The following NPAS2 variants were observed in gnomAD, a reference collection of about 807,000 sequenced individuals.
NPAS2 encodes neuronal PAS domain-containing protein 2.
In NPAS2, 23 loss-of-function variants were observed where a neutral mutation model predicts 107.5. The observed-to-expected ratio is 0.21, with a 90% CI of 0.15 to 0.30. The LOEUF is 0.30. NPAS2 is among the 10% of genes least tolerant of loss of function. The probability of loss-of-function intolerance (pLI) is 1.00; values close to 1 mark genes in which losing one functional copy is unlikely to be tolerated. For synonymous variants in NPAS2, 403 were observed against 417.5 expected, an observed-to-expected ratio of 0.97 and a Z score of 0.42; for missense variants, 756 against 1,043.3, an observed-to-expected ratio of 0.72 and a Z score of 3.79.
At chr2:100,987,936 C>T (rs1677870151) in intron 16 of NPAS2, 143 bp from the exon 17 acceptor site, 1 of 866,466 alleles carries the variant, frequency 1.2e-6, no homozygotes, top group Middle Eastern at 3.7e-4. Flanking sequence ...ACAGGTGCTC[C>T]ATGTCCACCA....
intron 16 of NPAS2, chr2:100,986,610 T>C (rs1044746762): frequency 6.6e-6 from 1 of 152,258 alleles, no homozygotes; most frequent in African/African-American, 2.4e-5. Flanking sequence ...CAAGAGGTAC[T>C]TTTGTTTAAA....
At chr2:100,900,600 C>T (rs1573577909) in intron 1 of NPAS2, among the ~76,000 whole-genome samples, 1 of 152,168 alleles carries the variant, frequency 6.6e-6, no homozygotes, top group Non-Finnish European at 1.5e-5. Context: ...CTTATTTCCA[C>T]AGAGACTTCT....
At chr2:100,982,471 C>T (rs1677506180) in intron 16 of NPAS2, 94 bp downstream of exon 16, 2 of 1,417,854 alleles carry the variant, frequency 1.4e-6, no homozygotes, top group South Asian at 1.3e-5. Flanking sequence ...CTCCCAAGCC[C>T]TGTGAACTGC....
chr2:100,952,966 T>C (rs1675327137), intron 7 of NPAS2, among the ~76,000 whole-genome samples: 1 of 151,856 alleles, frequency 6.6e-6, no homozygotes, highest in Non-Finnish European at 1.5e-5. Context: ...CAAACCAGCA[T>C]TGAAGAGGCT....
At chr2:100,941,733 G>A (rs72974817) in intron 5 of NPAS2, among the ~76,000 whole-genome samples, 6,153 of 152,190 alleles carry the variant, frequency 0.04, 419 homozygotes, top group African/African-American at 0.14. Context: ...GAGATCCAAG[G>A]GGCATGAGTC....
intron 2 of NPAS2, among the ~76,000 whole-genome samples, chr2:100,917,535 T>A (rs1558870226): frequency 6.6e-6 from 1 of 151,554 alleles, no homozygotes; most frequent in African/African-American, 2.4e-5. Flanking sequence ...TCTAAAAAAA[T>A]AATAAAAATA....
chr2:100,859,638 T>C (rs1317803152), intron 1 of NPAS2, among the ~76,000 whole-genome samples: 1 of 152,002 alleles, frequency 6.6e-6, no homozygotes, highest in Non-Finnish European at 1.5e-5. Flanking sequence ...GGGAACAGCA[T>C]AGAAGGACAC....
intron 1 of NPAS2, among the ~76,000 whole-genome samples, chr2:100,899,165 C>T (rs536478828): frequency 6.6e-6 from 1 of 151,288 alleles, no homozygotes; most frequent in Non-Finnish European, 1.5e-5. Flanking sequence ...GAGTGGAAAA[C>T]GGACGTTACG....
Position 100,877,551 on chromosome 2 carries a change from G to A in NPAS2, c.-22-27182G>A, listed in dbSNP as rs146075655. On this transcript the variant is annotated intron_variant, in intron 1 of 20. Transcript: ENST00000335681. ...TACAGTTGGAGCCATGCAAGCATTG[G>A]CCAAGCAGCCTTCAGCCTCCCCTCC... 4.9e-3 allele frequency among the ~76,000 whole-genome samples: 745 copies of A among 152,136 alleles called. 9 individuals carry two copies. The highest frequency in any genetic ancestry group is 0.017 in the African/African-American group (717 of 41,510).
intron 3 of NPAS2, among the ~76,000 whole-genome samples, chr2:100,927,035 T>C (rs1228739982): frequency 1.3e-5 from 2 of 149,350 alleles, no homozygotes; most frequent in Non-Finnish European, 3.0e-5. Flanking sequence ...GCCTCCAGGG[T>C]TCACACCATT....
intron 1 of NPAS2, among the ~76,000 whole-genome samples, chr2:100,842,084 C>CAA: frequency 1.2e-5 from 1 of 80,670 alleles, no homozygotes; most frequent in Non-Finnish European, 2.2e-5. Flanking sequence ...TGTACGCGCA[C>CAA]ACACACACAC....
chr2:100,978,071 T>C (rs557315381), intron 15 of NPAS2, among the ~76,000 whole-genome samples: 1 of 152,140 alleles, frequency 6.6e-6, no homozygotes, highest in Admixed American at 6.5e-5. Context: ...GGATAAGTTC[T>C]TTAGGGGTGA....
At chr2:100,989,258 A>C (rs1228491988) in intron 17 of NPAS2, 1 of 154,138 alleles carries the variant, frequency 6.5e-6, no homozygotes, top group Non-Finnish European at 1.4e-5. Flanking sequence ...GACCCAGGGG[A>C]ACAATGATGA....
intron 16 of NPAS2, chr2:100,984,082 C>A (rs186483228): frequency 6.6e-6 from 1 of 152,328 alleles, no homozygotes; most frequent in Non-Finnish European, 1.5e-5. Context: ...CCCAAAGTAC[C>A]TATGCCACAG....
At chr2:100,928,689 G>C (rs1332488229) in intron 3 of NPAS2, among the ~76,000 whole-genome samples, 1 of 152,126 alleles carries the variant, frequency 6.6e-6, no homozygotes, top group Admixed American at 6.5e-5. Context: ...ACGTTTTTTG[G>C]GGAAGTAGAG....
intron 1 of NPAS2, among the ~76,000 whole-genome samples, chr2:100,850,011 TAAAAAAAAAAAAAAAAA>T (rs58359292): frequency 0.012 from 650 of 56,236 alleles, 25 homozygotes; most frequent in African/African-American, 0.049. Flanking sequence ...ACTCTTTTTG[TAAAAAAAAAAAAAAAAA>T]AAAAAAAAAG....
At chr2:100,969,267 G>A (rs1216241212) in intron 11 of NPAS2, among the ~76,000 whole-genome samples, 1 of 151,778 alleles carries the variant, frequency 6.6e-6, no homozygotes, top group Non-Finnish European at 1.5e-5. Flanking sequence ...ATGGTGCATG[G>A]TGCCATGCAC....
chr2:100,877,189 G>A (rs946218323), intron 1 of NPAS2, among the ~76,000 whole-genome samples: 21 of 152,274 alleles, frequency 1.4e-4, no homozygotes, highest in African/African-American at 5.1e-4. Flanking sequence ...AAATAGGCTG[G>A]GCGCAGTGGC....
intron 1 of NPAS2, among the ~76,000 whole-genome samples, chr2:100,896,621 C>T (rs746194087): frequency 3.3e-5 from 5 of 152,224 alleles, no homozygotes; most frequent in Non-Finnish European, 7.3e-5. Context: ...GATTTTCCCT[C>T]TAGTCAGTAG....
Sources: gnomAD v4.1 joint callset for allele counts (sites outside exome capture counted in the v4.1 genomes callset) on GRCh38, gnomAD v4.1.1 for gene constraint, MANE v1.5 for transcripts, NCBI Gene and HGNC (gene_info 2026-07-23, HGNC 2026-07-21) for gene names.